Variants in SHISA9 observed in about 807,000 individuals in gnomAD.
SHISA9 encodes protein shisa-9.
Under a neutral mutation model 38.0 loss-of-function variants are expected in SHISA9, and 13 were observed. The observed-to-expected ratio is 0.34, with a 90% CI of 0.22 to 0.54. SHISA9 has a LOEUF of 0.54. SHISA9 is among the 20% of genes least tolerant of loss of function. SHISA9 has a pLI of 0.91. For synonymous variants in SHISA9, 275 were observed against 242.0 expected (o/e 1.14, Z -1.27); for missense variants, 538 against 575.8 (o/e 0.93, Z 0.67).
At chr16:13,366,009 T>A in the SHISA9 span, among the ~76,000 whole-genome samples, 1 of 152,194 alleles carries the variant, frequency 6.6e-6, no homozygotes, top group Admixed American at 6.5e-5. Context: ...AGCCTTCTAG[T>A]TTGCCTGGAA....
chr16:12,947,144 G>A (rs1345834074), intron 2 of SHISA9, among the ~76,000 whole-genome samples: 1 of 152,206 alleles, frequency 6.6e-6, no homozygotes, highest in Non-Finnish European at 1.5e-5. Context: ...TGGGGAAATG[G>A]CGAGGTTTGG....
At chr16:13,116,649 AT>A (rs1881730659) in intron 2 of SHISA9, among the ~76,000 whole-genome samples, 1 of 152,150 alleles carries the variant, frequency 6.6e-6, no homozygotes, top group Non-Finnish European at 1.5e-5. Flanking sequence ...CTCAGCAAGT[AT>A]TTCCTAAGTG....
chr16:13,147,794 C>T (rs79364304), intron 2 of SHISA9, among the ~76,000 whole-genome samples: 3,955 of 152,254 alleles, frequency 0.026, 162 homozygotes, highest in African/African-American at 0.089. Flanking sequence ...TGTTTCTGCT[C>T]ATGATAGGCT....
chr16:12,986,489 CAAG>C lies in SHISA9; in HGVS notation c.691+69677_691+69679del, dbSNP rs144106091. On this transcript the variant is annotated intron_variant, in intron 2 of 4. Coordinates refer to ENST00000558583, the MANE Select transcript of SHISA9 (RefSeq NM_001145204.3). Reference sequence around the variant, plus strand: ...TAATGGAAGTGTCCATCTTGATTCTCAAGAAAGTTTCCTTTGGACCTGTGTGGT... The same window carrying C: ...TAATGGAAGTGTCCATCTTGATTCTCAAAGTTTCCTTTGGACCTGTGTGGT... Among the ~76,000 whole-genome samples the C allele has an allele frequency of 6.0e-3, 918 of 152,266 alleles. 7 individuals carry two copies. Among genetic ancestry groups the C allele is most frequent in the Middle Eastern group, 0.034 (10 of 294 alleles).
intron 2 of SHISA9, among the ~76,000 whole-genome samples, chr16:13,142,056 A>C (rs899152187): frequency 2.0e-5 from 3 of 152,236 alleles, no homozygotes; most frequent in Non-Finnish European, 4.4e-5. Context: ...ACAGCTTTCT[A>C]TTCTACCTGA....
intron 2 of SHISA9, among the ~76,000 whole-genome samples, chr16:13,193,772 C>T (rs1219180913): frequency 6.6e-6 from 1 of 152,172 alleles, no homozygotes; most frequent in Non-Finnish European, 1.5e-5. Context: ...GGGCCCATTG[C>T]CCCATAGTGG....
the SHISA9 span, among the ~76,000 whole-genome samples, chr16:13,310,688 T>C: frequency 6.7e-6 from 1 of 149,318 alleles, no homozygotes; most frequent in African/African-American, 2.5e-5. Context: ...TTTATGCTTT[T>C]TTTTTTTTTT....
chr16:13,450,455 T>C, the SHISA9 span, among the ~76,000 whole-genome samples: 6 of 152,254 alleles, frequency 3.9e-5, no homozygotes, highest in African/African-American at 9.6e-5. Flanking sequence ...AAGCCATTCA[T>C]GGCCACTTCA....
the SHISA9 span, among the ~76,000 whole-genome samples, chr16:13,294,672 T>C: frequency 1.1e-4 from 17 of 152,338 alleles, no homozygotes; most frequent in African/African-American, 3.8e-4. Flanking sequence ...GGCACTGTTA[T>C]CCTTATGGGT....
rs148784755 is a variant in SHISA9 at position 13,011,238 on chromosome 16, A to C, written c.691+94423A>C. 3.4e-4 allele frequency among the ~76,000 whole-genome samples: 51 copies of C among 151,848 alleles called. No individual in the cohort carries two copies. In the East Asian group the frequency reaches 8.7e-3, roughly 26 times the overall value. ...GTGTATATTTAAGGTATACAACATG[A>C]TGTTATGAGATGCGTGTAGATAGTA... On this transcript the variant is annotated intron_variant, in intron 2 of 4. Transcript: ENST00000558583.
the SHISA9 span, among the ~76,000 whole-genome samples, chr16:13,397,794 C>T: frequency 1.3e-5 from 2 of 151,786 alleles, no homozygotes; most frequent in Non-Finnish European, 1.5e-5. Flanking sequence ...CTCAATTAGA[C>T]CCCTGCTTTA....
At chr16:12,903,884 G>T (rs1596519052) in intron 1 of SHISA9, among the ~76,000 whole-genome samples, 1 of 152,286 alleles carries the variant, frequency 6.6e-6, no homozygotes, top group African/African-American at 2.4e-5. Flanking sequence ...ATAGGCAAAG[G>T]AACATCACCA....
chr16:13,023,853 C>T (rs1435750091), intron 2 of SHISA9, among the ~76,000 whole-genome samples: 2 of 152,120 alleles, frequency 1.3e-5, no homozygotes, highest in African/African-American at 4.8e-5. Flanking sequence ...TTCATAGGTT[C>T]TGGAGGTTAG....
At chr16:13,456,896 T>C in the SHISA9 span, among the ~76,000 whole-genome samples, 1 of 132,774 alleles carries the variant, frequency 7.5e-6, no homozygotes, top group Non-Finnish European at 1.6e-5. Context: ...CATGACTCCA[T>C]GGGGAAAGGA....
intron 2 of SHISA9, among the ~76,000 whole-genome samples, chr16:13,003,865 T>A (rs2072558314): frequency 8.1e-6 from 1 of 124,104 alleles, no homozygotes; most frequent in Non-Finnish European, 1.7e-5. Flanking sequence ...CTCAAAATAA[T>A]AATAATAATA....
intron 3 of SHISA9, among the ~76,000 whole-genome samples, chr16:13,210,449 TAAAA>T (rs140200604): frequency 1.3e-5 from 2 of 151,802 alleles, no homozygotes; most frequent in Non-Finnish European, 2.9e-5. Flanking sequence ...TTAATTTTAT[TAAAA>T]AAAAATTGTC....
intron 2 of SHISA9, among the ~76,000 whole-genome samples, chr16:13,061,384 C>CT (rs1050428529): frequency 1.3e-5 from 2 of 152,122 alleles, no homozygotes; most frequent in South Asian, 2.1e-4. Context: ...TTATATAATC[C>CT]TTTTTTTGGT....
intron 2 of SHISA9, among the ~76,000 whole-genome samples, chr16:12,973,960 T>A (rs1248728032): frequency 2.0e-5 from 3 of 152,240 alleles, no homozygotes; most frequent in African/African-American, 7.2e-5. Flanking sequence ...GTATGCTTGC[T>A]TTCCTTATTA....
chr16:13,337,766 C>T, the SHISA9 span, among the ~76,000 whole-genome samples: 2 of 152,094 alleles, frequency 1.3e-5, no homozygotes, highest in African/African-American at 4.8e-5. Flanking sequence ...CAGACTTCCC[C>T]CTGCTGTTCT....
Sources: allele counts gnomAD v4.1 joint callset (sites outside exome capture counted in the v4.1 genomes callset), GRCh38; gene constraint gnomAD v4.1.1; transcripts MANE v1.5; gene names NCBI Gene and HGNC (gene_info 2026-07-23, HGNC 2026-07-21).